Variants in ORC2 observed in about 807,000 individuals in gnomAD.
The protein encoded by ORC2 is origin recognition complex protein 2 homolog.
A neutral mutation model predicts 77.7 loss-of-function variants in ORC2; 37 were observed. The ratio of observed to expected loss-of-function variants is 0.48; its 90% CI spans 0.37 to 0.63. The LOEUF (loss-of-function observed/expected upper bound fraction) is 0.63, where lower values mean the gene tolerates loss of function less well. Ranked by LOEUF, ORC2 falls within the 20% of genes least tolerant of loss-of-function variation. ORC2 has a pLI of 0.00. For synonymous variants in ORC2, 201 were observed against 229.5 expected, an observed-to-expected ratio of 0.88 and a Z score of 1.12; for missense variants, 557 against 661.9, an observed-to-expected ratio of 0.84 and a Z score of 1.74.
chr2:200,933,988 G>T lies in ORC2; in HGVS notation c.709-14C>A, dbSNP rs768717429. On this transcript the variant is annotated splice_polypyrimidine_tract_variant and intron_variant, in intron 9 of 17. Transcript: ENST00000234296. ...TACTAAGTCACTCTGAAAGTGAACA[G>T]AGTAGTCAGTCCTTAGTAGCTTCAA... 4 of 1,422,524 alleles carry T rather than the reference G, an allele frequency of 2.8e-6. No individual in the cohort carries two copies. The highest frequency in any genetic ancestry group is 4.0e-6 in the Non-Finnish European group (4 of 1,011,742). 88.1% of individuals were successfully genotyped at this position (1,422,524 alleles called of 1,614,324 possible).
chr2:200,913,478 C>A (rs913279906), intron 16 of ORC2, 65 bp from the exon 17 acceptor site: 6 of 1,492,824 alleles, frequency 4.0e-6, no homozygotes, highest in African/African-American at 1.4e-5. Flanking sequence ...ATACAAACAC[C>A]CATACAAAAG....
intron 15 of ORC2, among the ~76,000 whole-genome samples, chr2:200,918,990 CAATT>C (rs2124939964): frequency 6.6e-6 from 1 of 152,158 alleles, no homozygotes; most frequent in Non-Finnish European, 1.5e-5. Context: ...CCACCACACT[CAATT>C]AATTTTTAAA....
intron 2 of ORC2, among the ~76,000 whole-genome samples, chr2:200,959,174 A>C (rs1220256556): frequency 6.6e-6 from 1 of 152,056 alleles, no homozygotes; most frequent in African/African-American, 2.4e-5. Flanking sequence ...GTAGAGATGG[A>C]GCCTCACTAT....
intron 5 of ORC2, among the ~76,000 whole-genome samples, chr2:200,946,022 T>C (rs943261084): frequency 1.6e-4 from 24 of 152,192 alleles, no homozygotes; most frequent in African/African-American, 5.8e-4. Context: ...ACTTCTACTT[T>C]TGCTCTTTTG....
rs2124993093 is a variant in ORC2, at chr2:200,937,952, A to G, written c.468T>C (p.Ser156=). 2 of 1,600,010 alleles carry G rather than the reference A, an allele frequency of 1.2e-6. No individual in the cohort carries two copies. Among genetic ancestry groups the G allele is most frequent in the East Asian group, 2.2e-5 (1 of 44,742 alleles). Reference sequence around the variant, plus strand: ...TACGAGGTGCTGTTGACAGAAATTCACTTTTGTCATTGTTCTGTTTAGAAA... The same window carrying G: ...TACGAGGTGCTGTTGACAGAAATTCGCTTTTGTCATTGTTCTGTTTAGAAA... ...DKVQPKNNDK[S]EFLSTAPRSL... is the part of the protein sequence containing the mutation. Residue 156 remains serine (S), a synonymous_variant, in exon 8 of 18, where the codon AGT becomes AGC. Transcript: ENST00000234296.
Position 200,910,241 on chromosome 2 carries a change from G to T in ORC2, c.*1060C>A, listed in dbSNP as rs987390509. The T allele has an allele frequency of 2.6e-5, 4 of 152,166 alleles. No individual in the cohort carries two copies. The highest frequency in any genetic ancestry group is 9.7e-5 in the African/African-American group (4 of 41,448). 9.4% of individuals were successfully genotyped at this position (152,166 alleles called of 1,614,324 possible). Reference sequence around the variant, plus strand: ...TCATTTCCAAGTGTCAAATATTTCAGGGGGTATGTGATGACTGTAAGCTGA... The same window carrying T: ...TCATTTCCAAGTGTCAAATATTTCATGGGGTATGTGATGACTGTAAGCTGA... On this transcript the variant is annotated 3_prime_UTR_variant, in exon 18 of 18. Coordinates refer to ENST00000234296, the MANE Select transcript of ORC2 (RefSeq NM_006190.5).
At chr2:200,947,447 T>C (rs1377196949) in intron 5 of ORC2, among the ~76,000 whole-genome samples, 1 of 152,222 alleles carries the variant, frequency 6.6e-6, no homozygotes, top group Non-Finnish European at 1.5e-5. Context: ...TGACCTTGAA[T>C]GTTTACATGT....
At chr2:200,945,049 T>C (rs911627362) in intron 5 of ORC2, among the ~76,000 whole-genome samples, 27 of 152,312 alleles carry the variant, frequency 1.8e-4, no homozygotes, top group Admixed American at 3.3e-4. Flanking sequence ...CCAAGTTCAG[T>C]AGTCACAACA....
chr2:200,925,023 G>A lies in ORC2; in HGVS notation c.1147+813C>T, dbSNP rs2040819764. ...GACCCACTGAGCTCGGCCTCCCAAA[G>A]TGCTGGGATTACAGGCGTCAGCCAC... On this transcript the variant is annotated intron_variant, in intron 13 of 17. Transcript: ENST00000234296. 2.6e-5 allele frequency among the ~76,000 whole-genome samples: 4 copies of A among 152,160 alleles called. No homozygotes were observed. In the South Asian group the frequency reaches 6.2e-4, roughly 24 times the overall value.
chr2:200,936,490 T>C (rs1244111487), intron 8 of ORC2, among the ~76,000 whole-genome samples: 1 of 152,182 alleles, frequency 6.6e-6, no homozygotes, highest in East Asian at 1.9e-4. Flanking sequence ...AGATGAAAAA[T>C]GCTGGTGGCA....
At position 200,927,665 on chromosome 2, in the gene ORC2, G is replaced by A. The variant is rs903998945; in HGVS notation, c.918-765C>T. Among the ~76,000 whole-genome samples, 12 of 148,952 alleles carry A rather than the reference G, an allele frequency of 8.1e-5. No homozygotes were observed. In the South Asian group the frequency reaches 9.0e-4, roughly 11 times the overall value. On this transcript the variant is annotated intron_variant, in intron 11 of 17. Coordinates refer to ENST00000234296, the MANE Select transcript of ORC2 (RefSeq NM_006190.5). ...AGATCCCGCCACTGCACTCCAACCA[G>A]GGCAACAGAGCAAGACAGTGTCTGT...
intron 8 of ORC2, 130 bp downstream of exon 8, chr2:200,937,776 A>C: frequency 1.5e-6 from 1 of 650,802 alleles, no homozygotes; most frequent in Non-Finnish European, 2.7e-6. Flanking sequence ...CATGGTGCTA[A>C]GTGTTGCAAC....
At chr2:200,918,950 A>G (rs959784250) in intron 15 of ORC2, among the ~76,000 whole-genome samples, 2 of 152,120 alleles carry the variant, frequency 1.3e-5, no homozygotes, top group Non-Finnish European at 2.9e-5. Context: ...GGCTCCCTTC[A>G]GCCTCCTCAG....
intron 17 of ORC2, 69 bp from the exon 18 acceptor site, chr2:200,911,456 G>A: frequency 1.2e-6 from 1 of 809,144 alleles, no homozygotes. Flanking sequence ...TATTGTAGAG[G>A]CTAAAGAAAA....
At chr2:200,920,519 C>A in intron 14 of ORC2, 126 bp from the exon 15 acceptor site, 1 of 631,326 alleles carries the variant, frequency 1.6e-6, no homozygotes, top group Non-Finnish European at 2.4e-6. Flanking sequence ...TTCATTTTTG[C>A]CACTTCCATA....
intron 3 of ORC2, 113 bp from the exon 4 acceptor site, chr2:200,957,657 A>C: frequency 1.2e-6 from 1 of 806,370 alleles, no homozygotes; most frequent in South Asian, 3.6e-5. Context: ...GCTGGGAAAA[A>C]AGCTTTCTCT....
chr2:200,933,276 T>C (rs945897542), intron 10 of ORC2, among the ~76,000 whole-genome samples: 2 of 147,334 alleles, frequency 1.4e-5, no homozygotes, highest in Admixed American at 7.0e-5. Flanking sequence ...CCATGGTACA[T>C]AGTAATCTTG....
intron 17 of ORC2, among the ~76,000 whole-genome samples, chr2:200,912,024 C>T (rs2040559103): frequency 6.6e-6 from 1 of 152,198 alleles, no homozygotes; most frequent in Non-Finnish European, 1.5e-5. Flanking sequence ...ACTATTTTCT[C>T]TGCATTAAAA....
chr2:200,940,853 TATAGAGTA>T (rs2041138957), intron 7 of ORC2, among the ~76,000 whole-genome samples: 2 of 151,896 alleles, frequency 1.3e-5, no homozygotes, highest in African/African-American at 4.8e-5. Context: ...GAGATAAAAA[TATAGAGTA>T]ATGGATCTAA....
Sources: allele counts gnomAD v4.1 joint callset (sites outside exome capture counted in the v4.1 genomes callset), GRCh38; gene constraint gnomAD v4.1.1; transcripts MANE v1.5; gene names NCBI Gene and HGNC (gene_info 2026-07-23, HGNC 2026-07-21).